DOCK7: variants seen among roughly 807,000 people sequenced by gnomAD.
DOCK7 encodes the protein dedicator of cytokinesis 7.
DOCK7 carries 138 observed loss-of-function variants against 271.0 expected under a neutral mutation model. That is an observed-to-expected ratio of 0.51 (90% confidence interval 0.44 to 0.59). The LOEUF is 0.59. DOCK7 is among the 20% of genes least tolerant of loss of function. The pLI, the probability that DOCK7 is intolerant of heterozygous loss-of-function variation, is 0.00. For missense variants in DOCK7, 2,066 were observed against 2,592.4 expected (o/e 0.80, Z 4.41); for synonymous variants, 823 against 876.1 (o/e 0.94, Z 1.07).
At chr1:62,471,385 G>A (rs1645826131) in intron 48 of DOCK7, among the ~76,000 whole-genome samples, 1 of 152,140 alleles carries the variant, frequency 6.6e-6, no homozygotes, top group South Asian at 2.1e-4. Context: ...ATGTAGGCTG[G>A]GCATGGTGGT....
At chr1:62,662,930 G>T (rs969349097) in intron 2 of DOCK7, 95 bp downstream of exon 2, 4 of 936,824 alleles carry the variant, frequency 4.3e-6, no homozygotes, top group Middle Eastern at 6.0e-4. Context: ...TGAGACTAAT[G>T]ACGGAACCCA....
rs1645957510 is a variant in DOCK7, at chr1:62,475,925, A to G, written c.5743T>C (p.Tyr1915His). ...DPNKAYIQIT[Y>H]VEPYFDTYEM... Reference sequence around the variant, plus strand: ...TATGTGTCAAAGTATGGCTCCACATAGGTAATCTGAATATATGCCTAGGAA... The same window carrying G: ...TATGTGTCAAAGTATGGCTCCACATGGGTAATCTGAATATATGCCTAGGAA... Residue 1915 changes from tyrosine (Y) to histidine (H), a missense_variant, in exon 46 of 50, where the codon TAT (tyrosine) becomes CAT (histidine). Tyr to His is a moderately conservative substitution (Grantham distance 83, BLOSUM62 2). Transcript: ENST00000635253. 1 of 1,613,732 alleles carries G rather than the reference A, an allele frequency of 6.2e-7. No individual in the cohort carries two copies. The highest frequency in any genetic ancestry group is 8.5e-7 in the Non-Finnish European group (1 of 1,179,878).
intron 43 of DOCK7, chr1:62,481,558 A>C (rs79547769): frequency 0.025 from 3,850 of 152,198 alleles, 77 homozygotes; most frequent in Middle Eastern, 0.054. Context: ...AAAAACAAAA[A>C]CAAAAAACTT....
chr1:62,492,614 T>C (rs1385124300), intron 41 of DOCK7, 90 bp downstream of exon 41: 6 of 1,513,418 alleles, frequency 4.0e-6, no homozygotes, highest in Admixed American at 1.9e-5. Context: ...TAAAGAAAAG[T>C]AGGGTCATAA....
At chr1:62,669,759 C>G (rs1267978455) in intron 1 of DOCK7, among the ~76,000 whole-genome samples, 7 of 152,384 alleles carry the variant, frequency 4.6e-5, no homozygotes, top group Admixed American at 3.9e-4. Flanking sequence ...GCTCTCGGCA[C>G]CTCCCCTGCC....
chr1:62,655,986 T>A (rs556330472), intron 2 of DOCK7, among the ~76,000 whole-genome samples: 1 of 152,274 alleles, frequency 6.6e-6, no homozygotes, highest in Admixed American at 6.5e-5. Context: ...GCTCTAAAAT[T>A]TTTTCTATGA....
chr1:62,553,316 A>ATATATATATG (rs1645986305), intron 21 of DOCK7, among the ~76,000 whole-genome samples: 2 of 78,126 alleles, frequency 2.6e-5, no homozygotes, highest in African/African-American at 1.1e-4. Flanking sequence ...AGTATTTTAT[A>ATATATATATG]TATATATATA....
chr1:62,494,620 C>CT (rs1646566688), intron 39 of DOCK7, 153 bp from the exon 40 acceptor site: 1 of 496,446 alleles, frequency 2.0e-6, no homozygotes, highest in Non-Finnish European at 3.3e-6. Context: ...CTATGCAGGC[C>CT]TAGAGAAATA....
intron 30 of DOCK7, among the ~76,000 whole-genome samples, chr1:62,528,890 C>T (rs934998301): frequency 6.6e-6 from 1 of 152,144 alleles, no homozygotes; most frequent in African/African-American, 2.4e-5. Flanking sequence ...GCAATAAACA[C>T]AATTCCTGAT....
At chr1:62,591,312 C>T (rs903342366) in intron 14 of DOCK7, among the ~76,000 whole-genome samples, 1 of 151,966 alleles carries the variant, frequency 6.6e-6, no homozygotes, top group Non-Finnish European at 1.5e-5. Context: ...AACTTATGAA[C>T]ACAAAGAAGG....
intron 34 of DOCK7, among the ~76,000 whole-genome samples, chr1:62,508,780 A>G (rs1166643435): frequency 1.5e-5 from 2 of 132,852 alleles, no homozygotes; most frequent in African/African-American, 2.9e-5. Context: ...TTGATGCAAT[A>G]AAGTGGTTTA....
chr1:62,644,895 G>T (rs999564451), intron 7 of DOCK7, among the ~76,000 whole-genome samples: 1 of 151,966 alleles, frequency 6.6e-6, no homozygotes, highest in Non-Finnish European at 1.5e-5. Context: ...ACAAACAAAA[G>T]TTAAATAGTT....
chr1:62,493,057 T>C (rs1646510859), intron 40 of DOCK7, among the ~76,000 whole-genome samples: 1 of 152,168 alleles, frequency 6.6e-6, no homozygotes, highest in South Asian at 2.1e-4. Context: ...ACTTTTCTCT[T>C]AATAAAAAGT....
At chr1:62,660,598 C>A (rs955179089) in intron 2 of DOCK7, among the ~76,000 whole-genome samples, 7 of 152,132 alleles carry the variant, frequency 4.6e-5, no homozygotes, top group Non-Finnish European at 1.0e-4. Flanking sequence ...ACAATAAACA[C>A]AGAATTACTC....
intron 35 of DOCK7, among the ~76,000 whole-genome samples, chr1:62,506,465 T>C (rs1646939298): frequency 8.6e-6 from 1 of 116,644 alleles, no homozygotes. Flanking sequence ...TAATGACTGA[T>C]AAAATCTTTT....
At chr1:62,634,966 A>G in intron 8 of DOCK7, 44 bp from the exon 9 acceptor site, 1 of 1,401,130 alleles carries the variant, frequency 7.1e-7, no homozygotes, top group Non-Finnish European at 9.9e-7. Context: ...TGTACATTTT[A>G]CAGTGTCTAT....
chr1:62,531,642 ATAGAACATATTAT>A (rs1258900805), intron 29 of DOCK7, among the ~76,000 whole-genome samples: 1 of 152,252 alleles, frequency 6.6e-6, no homozygotes, highest in African/African-American at 2.4e-5. Flanking sequence ...TTCATTAATT[ATAGAACATATTAT>A]TGCCACTTAA....
At chr1:62,581,036 A>G (rs760310148) in intron 16 of DOCK7, among the ~76,000 whole-genome samples, 6 of 152,194 alleles carry the variant, frequency 3.9e-5, no homozygotes, top group Non-Finnish European at 8.8e-5. Flanking sequence ...GAGAGACCAT[A>G]TAACCACAGG....
chr1:62,601,326 C>G (rs1650085474), intron 14 of DOCK7: 1 of 692,896 alleles, frequency 1.4e-6, no homozygotes. Context: ...AAACTGGATG[C>G]TGGGGTTCTT....
Sources: gnomAD v4.1 joint callset for allele counts (sites outside exome capture counted in the v4.1 genomes callset) on GRCh38, gnomAD v4.1.1 for gene constraint, MANE v1.5 for transcripts, NCBI Gene and HGNC (gene_info 2026-07-23, HGNC 2026-07-21) for gene names.